Variants in SLC1A3 observed in about 807,000 individuals in gnomAD.
The protein encoded by SLC1A3 is solute carrier family 1 member 3.
Under a neutral mutation model 48.1 loss-of-function variants are expected in SLC1A3, and 21 were observed. That is an observed-to-expected ratio of 0.44 (90% CI 0.31 to 0.63). The LOEUF is 0.63. Among genes scored for constraint, SLC1A3 ranks in the 20% least tolerant of loss-of-function variants. The pLI is 0.08. For missense variants in SLC1A3, 546 were observed against 689.0 expected (o/e 0.79, Z 2.32); for synonymous variants, 239 against 251.4 (o/e 0.95, Z 0.47).
chr5:36,620,564 A>T (rs1307302389), intron 2 of SLC1A3, among the ~76,000 whole-genome samples: 1 of 152,222 alleles, frequency 6.6e-6, no homozygotes, highest in Non-Finnish European at 1.5e-5. Context: ...AAGTGTGCTC[A>T]GCACCAGCTG....
rs958284052 is a variant in SLC1A3 at position 36,688,061 on chromosome 5, C to T, written c.*1792C>T. 2.0e-5 allele frequency: 3 copies of T among 152,174 alleles called. No individual in the cohort carries two copies. Among genetic ancestry groups the T allele is most frequent in the Non-Finnish European group, 4.4e-5 (3 of 68,028 alleles). The allele number at this position is 152,174 out of a possible 1,614,324, so 9.4% of individuals were successfully genotyped here. Reference sequence around the variant, plus strand: ...CTGTGGTGCAGTAACCATTTAATGTCGAGGCTCTATTTCGGAAATACACTA... The same window carrying T: ...CTGTGGTGCAGTAACCATTTAATGTTGAGGCTCTATTTCGGAAATACACTA... On this transcript the variant is annotated 3_prime_UTR_variant, in exon 10 of 10. Coordinates refer to ENST00000265113, the MANE Select transcript of SLC1A3 (RefSeq NM_004172.5).
Position 36,647,884 on chromosome 5 carries a change from C to A in SLC1A3, c.319+18297C>A, listed in dbSNP as rs140313831. Among the ~76,000 whole-genome samples, 1,004 of 152,312 alleles carry A rather than the reference C, an allele frequency of 6.6e-3. 10 individuals are homozygous for A. The highest frequency in any genetic ancestry group is 0.022 in the African/African-American group (895 of 41,576). On this transcript the variant is annotated intron_variant, in intron 3 of 9. Transcript: ENST00000265113. ...CTTTTATCACAATTTGCCACACTAACTTCGTGGCTTCTTGTTTGTTTGTTT... is the reference window on the plus strand; with the variant it reads ...CTTTTATCACAATTTGCCACACTAAATTCGTGGCTTCTTGTTTGTTTGTTT...
rs541538553 is a variant in SLC1A3 at position 36,654,769 on chromosome 5, C to A, written c.320-16260C>A. The stretch of plus-strand genomic sequence containing the variant: ...TTAATTCATTCAGTATTGAGGCCCT[C>A]CAGTTAGCTGTGCTAGGTGCCTAAG... On this transcript the variant is annotated intron_variant, in intron 3 of 9. Transcript: ENST00000265113. 1.4e-4 allele frequency among the ~76,000 whole-genome samples: 21 copies of A among 152,300 alleles called. 1 individual carries two copies. The South Asian group carries it at 4.4e-3, about 32-fold the overall frequency.
exon 1 of SLC1A3, among the ~76,000 whole-genome samples, chr5:36,596,615 G>C (rs374515549): frequency 6.6e-6 from 1 of 152,306 alleles, no homozygotes; most frequent in South Asian, 2.1e-4. Context: ...ATGGAGTAAA[G>C]GTGCAAGTCC....
rs371773185 is a variant in SLC1A3, at chr5:36,651,080, A to G, written c.320-19949A>G. On this transcript the variant is annotated intron_variant, in intron 3 of 9. Coordinates refer to ENST00000265113, the MANE Select transcript of SLC1A3 (RefSeq NM_004172.5). ...GTATTCCTGGTAAAAGAACATTAACATGATGGGGAATGCAGCTATTCTAGA... is the reference window on the plus strand; with the variant it reads ...GTATTCCTGGTAAAAGAACATTAACGTGATGGGGAATGCAGCTATTCTAGA... Among the ~76,000 whole-genome samples, 213 of 150,800 alleles carry G rather than the reference A, an allele frequency of 1.4e-3. 9 individuals are homozygous for G. In the South Asian group the frequency reaches 0.043, roughly 30 times the overall value.
chr5:36,640,951 A>G (rs139021660), intron 3 of SLC1A3, among the ~76,000 whole-genome samples: 1 of 152,192 alleles, frequency 6.6e-6, no homozygotes, highest in African/African-American at 2.4e-5. Context: ...TTATATTAAC[A>G]TATTTCATGT....
chr5:36,676,321 A>C (rs574389757), intron 5 of SLC1A3, among the ~76,000 whole-genome samples: 105 of 152,282 alleles, frequency 6.9e-4, no homozygotes, highest in Non-Finnish European at 1.1e-3. Flanking sequence ...AATACTTTAA[A>C]ATTTGCAAGA....
In SLC1A3 at chr5:36,597,382, G is replaced by GACC. The variant is rs1226159633; in HGVS notation, c.-96+706_-96+707insCAC. Among the ~76,000 whole-genome samples, 205 of 151,614 alleles carry GACC rather than the reference G, an allele frequency of 1.4e-3. 1 individual carries two copies. The highest frequency in any genetic ancestry group is 3.4e-3 in the Middle Eastern group (1 of 292). ...CTGCCTCAGCCTCCCCAGCAGCTGGGACAGGGGCACGCCGCCACGCCCGGC... is the reference window on the plus strand; with the variant it reads ...CTGCCTCAGCCTCCCCAGCAGCTGGGACCACAGGGGCACGCCGCCACGCCCGGC... On this transcript the variant is annotated intron_variant, in intron 1 of 9. Transcript: ENST00000680318.
rs144393065 is a variant in SLC1A3, at chr5:36,633,514, C to T, written c.319+3927C>T. Among the ~76,000 whole-genome samples the T allele has an allele frequency of 1.7e-3, 254 of 152,240 alleles. 4 individuals are homozygous for T. The highest frequency in any genetic ancestry group is 5.9e-3 in the African/African-American group (245 of 41,544). On this transcript the variant is annotated intron_variant, in intron 3 of 9. Transcript: ENST00000265113. ...TTCATTCTTTAACAGCTGTTTATTG[C>T]GCTTCTACTATGTCAGACACTGGGG...
intron 9 of SLC1A3, among the ~76,000 whole-genome samples, chr5:36,685,434 G>A (rs144951302): frequency 0.01 from 1,594 of 152,118 alleles, 37 homozygotes; most frequent in African/African-American, 0.037. Flanking sequence ...CCGCCACCAC[G>A]CCTGGCTAAT....
rs1451693427 is a variant in SLC1A3 at position 36,679,691 on chromosome 5, G to A, written c.925G>A (p.Val309Met). Reference sequence around the variant, plus strand: ...GATTGTGGAGATGGAAGACATGGGTGTGATTGGGGGGCAGCTTGCCATGTA... The same window carrying A: ...GATTGTGGAGATGGAAGACATGGGTATGATTGGGGGGCAGCTTGCCATGTA... ...GKIVEMEDMG[V>M]IGGQLAMYTV... is the part of the protein sequence containing the mutation. The change falls in exon 7 of 10, where the codon GTG becomes ATG. Residue 309 changes from valine (V) to methionine (M), a missense_variant. Transcript: ENST00000265113. 1.9e-6 allele frequency: 3 copies of A among 1,614,214 alleles called. No individual in the cohort carries two copies. The highest frequency in any genetic ancestry group is 1.3e-5 in the African/African-American group (1 of 75,056).
chr5:36,683,845 C>T lies in SLC1A3; in HGVS notation c.1290-19C>T, dbSNP rs780210555. The stretch of plus-strand genomic sequence containing the variant: ...GAGCTTTGTAAAAGTGTTTTCTGTT[C>T]TGGTACTTCTGTTAACAGCATCACA... On this transcript the variant is annotated intron_variant, in intron 8 of 9. Coordinates refer to ENST00000265113, the MANE Select transcript of SLC1A3 (RefSeq NM_004172.5). 8 of 1,614,108 alleles carry T rather than the reference C, an allele frequency of 5.0e-6. No individual in the cohort carries two copies. The South Asian group carries it at 7.7e-5, about 16-fold the overall frequency.
At chr5:36,642,710 C>G (rs537494418) in intron 3 of SLC1A3, among the ~76,000 whole-genome samples, 1 of 152,144 alleles carries the variant, frequency 6.6e-6, no homozygotes, top group Non-Finnish European at 1.5e-5. Context: ...TGGCCATCAC[C>G]CCCCGATTCC....
At chr5:36,653,236 G>T (rs1366592517) in intron 3 of SLC1A3, among the ~76,000 whole-genome samples, 1 of 152,230 alleles carries the variant, frequency 6.6e-6, no homozygotes, top group Non-Finnish European at 1.5e-5. Context: ...CCAAGGAAAT[G>T]GTTCATAACA....
chr5:36,676,952 G>A lies in SLC1A3; in HGVS notation c.628G>A (p.Val210Met), dbSNP rs1676945755. The A allele has an allele frequency of 6.2e-7, 1 of 1,614,078 alleles. No individual in the cohort carries two copies. Among genetic ancestry groups the A allele is most frequent in the South Asian group, 1.1e-5 (1 of 91,074 alleles). Residue 210 changes from valine (V) to methionine (M), a missense_variant, in exon 6 of 10, where the codon GTG becomes ATG. By Grantham distance (21) the Val-to-Met change is conservative. Transcript: ENST00000265113. ...KVPIQANETLVGAVINNVSEA... is the reference protein window; with the variant it reads ...KVPIQANETLMGAVINNVSEA... ...GCCCATCCAGGCCAACGAAACGCTTGTGGGTGCTGTGATAAACAATGTGTC... is the reference window on the plus strand; with the variant it reads ...GCCCATCCAGGCCAACGAAACGCTTATGGGTGCTGTGATAAACAATGTGTC...
chr5:36,653,217 G>C (rs773043890), intron 3 of SLC1A3, among the ~76,000 whole-genome samples: 1 of 152,138 alleles, frequency 6.6e-6, no homozygotes, highest in African/African-American at 2.4e-5. Flanking sequence ...ATTCTTTCAC[G>C]TTCCCTCCCC....
At chr5:36,598,172 T>G (rs930560612) in intron 1 of SLC1A3, among the ~76,000 whole-genome samples, 5 of 152,228 alleles carry the variant, frequency 3.3e-5, no homozygotes, top group African/African-American at 9.6e-5. Flanking sequence ...GGGTAGAATC[T>G]TGGTCCAACC....
intron 3 of SLC1A3, among the ~76,000 whole-genome samples, chr5:36,642,366 C>T (rs951001104): frequency 2.0e-5 from 3 of 152,174 alleles, no homozygotes; most frequent in Non-Finnish European, 4.4e-5. Context: ...CTTTCAAGTA[C>T]TCAAAACATA....
chr5:36,612,678 G>A (rs964823803), intron 2 of SLC1A3: 4 of 405,216 alleles, frequency 9.9e-6, no homozygotes, highest in Non-Finnish European at 2.0e-5. Context: ...GTGTTTAAGT[G>A]TATTAACTTT....
Sources: gnomAD v4.1 joint callset for allele counts (sites outside exome capture counted in the v4.1 genomes callset) on GRCh38, gnomAD v4.1.1 for gene constraint, MANE v1.5 for transcripts, NCBI Gene and HGNC (gene_info 2026-07-23, HGNC 2026-07-21) for gene names.